Variants in AHNAK2 observed in about 807,000 individuals in gnomAD.
The protein encoded by AHNAK2 is AHNAK nucleoprotein 2, also known as protein AHNAK2.
AHNAK2 carries 18 observed loss-of-function variants against 30.7 expected under a neutral mutation model. The observed-to-expected ratio is 0.59, with a 90% CI of 0.41 to 0.87. The LOEUF is 0.87. Ranked by LOEUF, AHNAK2 falls within the 40% of genes least tolerant of loss-of-function variation. The probability of loss-of-function intolerance (pLI) is 0.00; values close to 1 mark genes in which losing one functional copy is unlikely to be tolerated. For missense variants in AHNAK2, 8,604 were observed against 7,373.0 expected (o/e 1.17, Z -6.11); for synonymous variants, 3,590 against 3,073.8 (o/e 1.17, Z -5.56).
At chr14:104,965,080 C>T (rs958563082) in intron 1 of AHNAK2, among the ~76,000 whole-genome samples, 1 of 152,190 alleles carries the variant, frequency 6.6e-6, no homozygotes, top group Non-Finnish European at 1.5e-5. Context: ...TCTTTTAGCT[C>T]ATCAGCTATC....
At chr14:104,972,689 C>T (rs543659647) in intron 1 of AHNAK2, among the ~76,000 whole-genome samples, 1 of 152,228 alleles carries the variant, frequency 6.6e-6, no homozygotes. Context: ...TGCACCCTCC[C>T]CAACGCGGAC....
intron 1 of AHNAK2, among the ~76,000 whole-genome samples, chr14:104,968,095 C>G (rs937876260): frequency 6.6e-6 from 1 of 152,222 alleles, no homozygotes; most frequent in African/African-American, 2.4e-5. Flanking sequence ...GCTGGTCAGG[C>G]CGTTGGCACC....
At position 104,954,236 on chromosome 14, in the gene AHNAK2, G is replaced by A. The variant is rs368999034; in HGVS notation, c.1215C>T (p.Cys405=). 303 of 1,611,694 alleles carry A rather than the reference G, an allele frequency of 1.9e-4. No individual in the cohort carries two copies. The highest frequency in any genetic ancestry group is 4.9e-4 in the Middle Eastern group (3 of 6,082). The change falls in exon 7 of 7, where the codon TGC becomes TGT. Residue 405 remains cysteine (C), a synonymous_variant. Coordinates refer to ENST00000333244, the MANE Select transcript of AHNAK2 (RefSeq NM_138420.4). The surrounding 1 kb of genome is among the most constrained non-coding windows in gnomAD (Gnocchi z 4.3). ...GTCCCCCTTCCTGAGGGGTTCCCTC[G>A]CAAAGTCTAGGGTCACCGAGCTCTG... ...LPTELGDPRL[C]EGTPQEGGLR...
Position 104,939,092 on chromosome 14 carries a change from C to T in AHNAK2, c.16359G>A (p.Leu5453=), listed in dbSNP as rs1424346803. 6.2e-7 allele frequency: 1 copy of T among 1,604,372 alleles called. No homozygotes were observed. The highest frequency in any genetic ancestry group is 8.5e-7 in the Non-Finnish European group (1 of 1,175,444). Residue 5453 remains leucine (L), a synonymous_variant, in exon 7 of 7, where the codon CTG becomes CTA. Coordinates refer to ENST00000333244, the MANE Select transcript of AHNAK2 (RefSeq NM_138420.4). Reference sequence around the variant, plus strand: ...TTGAAATTGGGGGAGCTTCCAAAGGCAGGTTAAGGTCCACAGGCTGCTCCC... The same window carrying T: ...TTGAAATTGGGGGAGCTTCCAAAGGTAGGTTAAGGTCCACAGGCTGCTCCC... ...VPGEQPVDLN[L]PLEAPPISKV...
In AHNAK2 at chr14:104,954,933, G is replaced by GC. The variant is rs753761910; in HGVS notation, c.651+23dup. ...GGGTAGTGAAGCCAGCTGGGGCCCT[G>GC]CCCCCCGGGCATAGTGGTCTCACCT... is the stretch of plus-strand genomic sequence containing the variant. On this transcript the variant is annotated intron_variant, in intron 6 of 6. Coordinates refer to ENST00000333244, the MANE Select transcript of AHNAK2 (RefSeq NM_138420.4). The surrounding 1 kb of genome is among the most constrained non-coding windows in gnomAD (Gnocchi z 4.3). 8 of 1,592,476 alleles carry GC rather than the reference G, an allele frequency of 5.0e-6. No individual in the cohort carries two copies. The highest frequency in any genetic ancestry group is 2.2e-5 in the East Asian group (1 of 44,560).
intron 1 of AHNAK2, among the ~76,000 whole-genome samples, chr14:104,970,232 G>A (rs1899437775): frequency 6.6e-6 from 1 of 152,188 alleles, no homozygotes; most frequent in Admixed American, 6.5e-5. Context: ...GGACCCAGGA[G>A]AAGGGGCTCC....
Position 104,946,759 on chromosome 14 carries a change from T to G in AHNAK2, c.8692A>C (p.Lys2898Gln). Residue 2898 changes from lysine (K) to glutamine (Q), a missense_variant, in exon 7 of 7, where the codon AAG becomes CAG. Coordinates refer to ENST00000333244, the MANE Select transcript of AHNAK2 (RefSeq NM_138420.4). ...ATCTTGAAACTGGGCATCTGCACCT[T>G]GGGCAGGTGCCCTTTGAGGCCGGCT... ...EGAGLKGHLPKVQMPSFKMPK... is the reference protein window; with the variant it reads ...EGAGLKGHLPQVQMPSFKMPK... 6.2e-7 allele frequency: 1 copy of G among 1,612,836 alleles called. No homozygotes were observed. The highest frequency in any genetic ancestry group is 1.1e-5 in the South Asian group (1 of 91,042).
rs535058978 is a variant in AHNAK2, at chr14:104,963,687, G to A, written c.56-6015C>T. 6.6e-5 allele frequency among the ~76,000 whole-genome samples: 10 copies of A among 152,030 alleles called. No homozygotes were observed. In the South Asian group the frequency reaches 1.2e-3, roughly 19 times the overall value. Reference sequence around the variant, plus strand: ...CTTCTAAAAATACAAAAAATTAGCCGGGTGTGGTGGCGGGTGCCTGTAGTC... The same window carrying A: ...CTTCTAAAAATACAAAAAATTAGCCAGGTGTGGTGGCGGGTGCCTGTAGTC... On this transcript the variant is annotated intron_variant, in intron 1 of 6. Coordinates refer to ENST00000333244, the MANE Select transcript of AHNAK2 (RefSeq NM_138420.4).
chr14:104,978,182 C>T lies in AHNAK2; in HGVS notation c.55+1G>A. ...CGGGCTGCAGGCGGGGAGGGGCGCA[C>T]CGCTGCCGGGGGTTCCGGGCCAGGT... On this transcript the variant is annotated splice_donor_variant, in intron 1 of 6. Transcript: ENST00000333244. LOFTEE classifies it high-confidence loss of function. 1 of 1,213,326 alleles carries T rather than the reference C, an allele frequency of 8.2e-7. No individual in the cohort carries two copies. Among genetic ancestry groups the T allele is most frequent in the Non-Finnish European group, 1.0e-6 (1 of 975,516 alleles). 75.2% of individuals were successfully genotyped at this position (1,213,326 alleles called of 1,614,324 possible).
chr14:104,957,739 G>T, intron 1 of AHNAK2, 67 bp from the exon 2 acceptor site: 1 of 1,494,246 alleles, frequency 6.7e-7, no homozygotes, highest in Non-Finnish European at 9.1e-7. Context: ...CCGGGGGAGG[G>T]AGCCAGGACT....
chr14:104,953,269 G>A lies in AHNAK2; in HGVS notation c.2182C>T (p.Pro728Ser), dbSNP rs1898852332. Residue 728 changes from proline (P) to serine (S), a missense_variant, in exon 7 of 7, where the codon CCT (proline) becomes TCT (serine). By Grantham distance (74) the Pro-to-Ser change is moderately conservative. Coordinates refer to ENST00000333244, the MANE Select transcript of AHNAK2 (RefSeq NM_138420.4). ...TCCTGGACCTCCAGGTCAGCGGAAG[G>A]GGTCTGGACGCTGAGGTCAGTGGTC... is the stretch of plus-strand genomic sequence containing the variant. ...LKTTDLSVQT[P>S]SADLEVQDGQ... 1.2e-6 allele frequency: 2 copies of A among 1,612,838 alleles called. No homozygotes were observed. Among genetic ancestry groups the A allele is most frequent in the East Asian group, 2.2e-5 (1 of 44,780 alleles).
rs1898384891 is a variant in AHNAK2 at position 104,947,889 on chromosome 14, G to A, written c.7562C>T (p.Ser2521Phe). Reference protein sequence around the residue: ...PKVEADGSLSSMQGDLKATDL... With the variant: ...PKVEADGSLSFMQGDLKATDL... ...AGTGGCCTTGAGGTCCCCCTGCATGGAGGAGAGGCTCCCGTCGGCCTCCAC... is the reference window on the plus strand; with the variant it reads ...AGTGGCCTTGAGGTCCCCCTGCATGAAGGAGAGGCTCCCGTCGGCCTCCAC... Residue 2521 changes from serine to phenylalanine, a missense_variant, in exon 7 of 7, where the codon TCC becomes TTC. Physicochemically the swap from Ser to Phe is radical, Grantham distance 155. Transcript: ENST00000333244. 1.2e-6 allele frequency: 2 copies of A among 1,612,766 alleles called. No homozygotes were observed. Among genetic ancestry groups the A allele is most frequent in the Admixed American group, 1.7e-5 (1 of 59,956 alleles).
rs770786113 is a variant in AHNAK2, at chr14:104,944,003, A to T, written c.11448T>A (p.Ser3816=). ...PKFKMPSFGV[S]APGKSIEASV... is the part of the protein sequence containing the mutation. ...AGGCCTCAATGGACTTGCCTGGGGCAGACACCCCAAATGACGGCATCTTGA... is the reference window on the plus strand; with the variant it reads ...AGGCCTCAATGGACTTGCCTGGGGCTGACACCCCAAATGACGGCATCTTGA... Residue 3816 remains serine, a synonymous_variant, in exon 7 of 7, where the codon TCT becomes TCA. Transcript: ENST00000333244. The T allele has an allele frequency of 1.2e-6, 2 of 1,611,232 alleles. No individual in the cohort carries two copies. The highest frequency in any genetic ancestry group is 2.7e-5 in the African/African-American group (2 of 74,162).
chr14:104,939,007 T>C lies in AHNAK2; in HGVS notation c.16444A>G (p.Ile5482Val), dbSNP rs761631310. The C allele has an allele frequency of 2.5e-6, 4 of 1,611,072 alleles. No individual in the cohort carries two copies. The African/African-American group carries it at 4.0e-5, about 16-fold the overall frequency. Residue 5482 changes from isoleucine to valine, a missense_variant, in exon 7 of 7, where the codon ATA becomes GTA. Physicochemically the swap from Ile to Val is conservative, Grantham distance 29. Transcript: ENST00000333244. ...AGATCTACAAACTCTGGTGTCACTA[T>C]GCTGTGTATAGTGACCTCTTGACTT... is the stretch of plus-strand genomic sequence containing the variant. ...VESQEVTIHS[I>V]VTPEFVDLSV... is the part of the protein sequence containing the mutation.
At position 104,944,254 on chromosome 14, in the gene AHNAK2, T is replaced by C. The variant is rs1427552465; in HGVS notation, c.11197A>G (p.Lys3733Glu). The C allele has an allele frequency of 5.6e-6, 9 of 1,612,784 alleles. No individual in the cohort carries two copies. The highest frequency in any genetic ancestry group is 7.6e-6 in the Non-Finnish European group (9 of 1,179,548). ...KVEMPSLKMPKVDLKGPQVDI... is the reference protein window; with the variant it reads ...KVEMPSLKMPEVDLKGPQVDI... ...ACCTGGGGGCCCTTGAGGTCCACTT[T>C]GGGCATCTTCAAACTGGGCATCTCC... The change falls in exon 7 of 7, where the codon AAA becomes GAA. Residue 3733 changes from lysine (K) to glutamate (E), a missense_variant. Transcript: ENST00000333244.
chr14:104,941,158 C>G lies in AHNAK2; in HGVS notation c.14293G>C (p.Ala4765Pro). 2 of 1,613,564 alleles carry G rather than the reference C, an allele frequency of 1.2e-6. No homozygotes were observed. The highest frequency in any genetic ancestry group is 1.7e-6 in the Non-Finnish European group (2 of 1,179,888). The change falls in exon 7 of 7, where the codon GCT becomes CCT. Residue 4765 changes from alanine to proline, a missense_variant. By Grantham distance (27) the Ala-to-Pro change is conservative (BLOSUM62 -1). Transcript: ENST00000333244. ...PSMQMPKVGF[A>P]GFPSSRLDLT... Reference sequence around the variant, plus strand: ...TCAAGCCGGGATGATGGAAACCCAGCAAAACCCACCTTAGGCATCTGCATG... The same window carrying G: ...TCAAGCCGGGATGATGGAAACCCAGGAAAACCCACCTTAGGCATCTGCATG...
chr14:104,940,469 T>G lies in AHNAK2; in HGVS notation c.14982A>C (p.Glu4994Asp). 6.2e-7 allele frequency: 1 copy of G among 1,613,824 alleles called. No homozygotes were observed. Among genetic ancestry groups the G allele is most frequent in the Non-Finnish European group, 8.5e-7 (1 of 1,179,888 alleles). The stretch of plus-strand genomic sequence containing the variant: ...TGTGGATGGCAGACTGCGGGGCCAC[T>G]TCATCCTTGTCTAAAACCAGGCTGA... ...SKLSLVLDKD[E>D]VAPQSAIHMD... The change falls in exon 7 of 7, where the codon GAA becomes GAC. Residue 4994 changes from glutamate to aspartate, a missense_variant. Glu to Asp is a conservative substitution (Grantham distance 45). Coordinates refer to ENST00000333244, the MANE Select transcript of AHNAK2 (RefSeq NM_138420.4). This position sits in a 1 kb window ranked among gnomAD's most constrained non-coding sequence, Gnocchi z 4.4.
In AHNAK2 at chr14:104,949,345, G is replaced by T. The variant is rs749873877; in HGVS notation, c.6106C>A (p.Leu2036Ile). The part of the protein sequence containing the change: ...SMQGDLKTTD[L>I]SIQPPSADLK... ...TCGGCAGAAGGGGGCTGAATGCTGA[G>T]GTCAGTGGTCTTCAGGTCCCCCTGC... The change falls in exon 7 of 7, where the codon CTC (leucine) becomes ATC (isoleucine). Residue 2036 changes from leucine to isoleucine, a missense_variant. Coordinates refer to ENST00000333244, the MANE Select transcript of AHNAK2 (RefSeq NM_138420.4). The T allele has an allele frequency of 2.6e-6, 4 of 1,558,426 alleles. No individual in the cohort carries two copies. The highest frequency in any genetic ancestry group is 2.8e-5 in the African/African-American group (2 of 71,496).
intron 1 of AHNAK2, among the ~76,000 whole-genome samples, chr14:104,969,580 C>A (rs1899413761): frequency 6.6e-6 from 1 of 152,230 alleles, no homozygotes; most frequent in South Asian, 2.1e-4. Flanking sequence ...ATAATAAATG[C>A]TAGTGCAGGC....
Sources: gnomAD v4.1 joint callset for allele counts (sites outside exome capture counted in the v4.1 genomes callset) on GRCh38, gnomAD v4.1.1 for gene constraint, Gnocchi (gnomAD v3.1) non-coding constraint, MANE v1.5 for transcripts, NCBI Gene and HGNC (gene_info 2026-07-23, HGNC 2026-07-21) for gene names.